Variants in CENPT observed in about 807,000 individuals in gnomAD.
The protein encoded by CENPT is centromere protein T, also known as interphase centromere complex protein 22.
CENPT carries 42 observed loss-of-function variants against 59.7 expected under a neutral mutation model. The ratio of observed to expected loss-of-function variants is 0.70; its 90% CI spans 0.55 to 0.91. The LOEUF is 0.91. Among genes scored for constraint, CENPT ranks in the 40% least tolerant of loss-of-function variants. The pLI is 0.00. For synonymous variants in CENPT, 295 were observed against 289.6 expected, an observed-to-expected ratio of 1.02 and a Z score of -0.19; for missense variants, 716 against 713.4, an observed-to-expected ratio of 1.00 and a Z score of -0.04.
At chr16:67,839,465 CAGA>C (rs1186594247) in intron 1 of CENPT, among the ~76,000 whole-genome samples, 1 of 151,456 alleles carries the variant, frequency 6.6e-6, no homozygotes, top group Non-Finnish European at 1.5e-5. Context: ...GAGGCTAAGG[CAGA>C]AGAATTGCTT....
chr16:67,831,352 G>C lies in CENPT; in HGVS notation c.567C>G (p.Leu189=), dbSNP rs1390019985. Reference sequence around the variant, plus strand: ...GAAGAGGTGTGGCAAAGGTCAGGTTGAGGGATCTGGTGAGGTGGGGAGGCA... The same window carrying C: ...GAAGAGGTGTGGCAAAGGTCAGGTTCAGGGATCTGGTGAGGTGGGGAGGCA... ...NADASSLTRS[L]NLTFATPLQP... The change falls in exon 10 of 16, where the codon CTC becomes CTG. Residue 189 remains leucine (L), a synonymous_variant. Coordinates refer to ENST00000562787, the MANE Select transcript of CENPT (RefSeq NM_025082.4). 1 of 1,613,492 alleles carries C rather than the reference G, an allele frequency of 6.2e-7. No individual in the cohort carries two copies. Among genetic ancestry groups the C allele is most frequent in the African/African-American group, 1.3e-5 (1 of 74,936 alleles).
At position 67,828,790 on chromosome 16, in the gene CENPT, C is replaced by G. The variant is rs375672651; in HGVS notation, c.1334G>C (p.Arg445Pro). 2 of 1,607,006 alleles carry G rather than the reference C, an allele frequency of 1.2e-6. No homozygotes were observed. Among genetic ancestry groups the G allele is most frequent in the Non-Finnish European group, 1.7e-6 (2 of 1,178,244 alleles). The change falls in exon 14 of 16, where the codon CGG becomes CCG. Residue 445 changes from arginine to proline, a missense_variant. Coordinates refer to ENST00000562787, the MANE Select transcript of CENPT (RefSeq NM_025082.4). Reference protein sequence around the residue: ...PLLVRHPPRPRTTGPRPRQDP... With the variant: ...PLLVRHPPRPPTTGPRPRQDP... ...TTGCCGGGGCCTGGGGCCGGTGGTC[C>G]GGGGCCTAGGGGGATGCCTGACCAA...
chr16:67,845,388 G>A (rs2151290584), intron 1 of CENPT, among the ~76,000 whole-genome samples: 1 of 152,302 alleles, frequency 6.6e-6, no homozygotes, highest in African/African-American at 2.4e-5. Flanking sequence ...TTGGGAAAGT[G>A]GTGGGGAAGG....
intron 1 of CENPT, chr16:67,846,680 C>A (rs1363322889): frequency 4.6e-5 from 7 of 152,446 alleles, no homozygotes; most frequent in African/African-American, 1.7e-4. Flanking sequence ...TGACCCTAGC[C>A]TGGCGCCAAC....
rs1476196985 is a variant in CENPT at position 67,842,903 on chromosome 16, C to G, written c.-492+4498G>C. The G allele has an allele frequency of 6.4e-7, 1 of 1,560,184 alleles. No individual in the cohort carries two copies. Among genetic ancestry groups the G allele is most frequent in the Admixed American group, 1.7e-5 (1 of 58,116 alleles). On this transcript the variant is annotated intron_variant, in intron 1 of 15. Coordinates refer to ENST00000562787, the MANE Select transcript of CENPT (RefSeq NM_025082.4). The surrounding 1 kb of genome is among the most constrained non-coding windows in gnomAD (Gnocchi z 4.9). Reference sequence around the variant, plus strand: ...GCAGCAGCAGCAGCAACAGCAGCAACAGCAGCAGCAGCAGCAACAGCAGCA... The same window carrying G: ...GCAGCAGCAGCAGCAACAGCAGCAAGAGCAGCAGCAGCAGCAACAGCAGCA...
At chr16:67,830,289 G>A in intron 11 of CENPT, 101 bp downstream of exon 11, 3 of 1,434,718 alleles carry the variant, frequency 2.1e-6, no homozygotes, top group Non-Finnish European at 2.9e-6. Flanking sequence ...CCACAGCCAG[G>A]GTGCTCTAGG....
At position 67,834,025 on chromosome 16, in the gene CENPT, AT is replaced by A. The variant is rs1399861968; in HGVS notation, c.-167del. On this transcript the variant is annotated 5_prime_UTR_variant, in exon 4 of 16. Coordinates refer to ENST00000562787, the MANE Select transcript of CENPT (RefSeq NM_025082.4). ...GGACAGTGATGGTTGCAAACTCCGG[AT>A]GCTTTGGAGGCAGCCTCGCTGCGGG... is the stretch of plus-strand genomic sequence containing the variant. The A allele has an allele frequency of 2.0e-6, 1 of 506,412 alleles. No homozygotes were observed. The highest frequency in any genetic ancestry group is 3.4e-6 in the Non-Finnish European group (1 of 293,086). 31.4% of individuals were successfully genotyped at this position (506,412 alleles called of 1,614,324 possible).
rs531042642 is a variant in CENPT at position 67,829,339 on chromosome 16, G to T, written c.1280+84C>A. The T allele has an allele frequency of 9.3e-5, 102 of 1,099,464 alleles. No homozygotes were observed. The African/African-American group carries it at 1.4e-3, about 15-fold the overall frequency. The allele number at this position is 1,099,464 out of a possible 1,614,324, so 68.1% of individuals were successfully genotyped here. A position where few individuals can be genotyped will look rare whatever the true frequency, so the allele number is the denominator to read the frequency against. On this transcript the variant is annotated intron_variant, in intron 13 of 15. Coordinates refer to ENST00000562787, the MANE Select transcript of CENPT (RefSeq NM_025082.4). ...CTGGGTAATCATCTGCATACCCGTA[G>T]GAAGGGGGAGGACCCTATGTACACA...
intron 4 of CENPT, 63 bp from the exon 5 acceptor site, chr16:67,832,608 A>G: frequency 6.9e-7 from 1 of 1,440,640 alleles, no homozygotes; most frequent in Non-Finnish European, 9.7e-7. Flanking sequence ...ATATAGAGAC[A>G]TGCCTTCATC....
In CENPT at chr16:67,831,740, G is replaced by A. The variant is rs759863422; in HGVS notation, c.523+14C>T. 6.3e-7 allele frequency: 1 copy of A among 1,581,686 alleles called. No individual in the cohort carries two copies. The highest frequency in any genetic ancestry group is 2.2e-5 in the East Asian group (1 of 44,700). On this transcript the variant is annotated intron_variant, in intron 8 of 15. Coordinates refer to ENST00000562787, the MANE Select transcript of CENPT (RefSeq NM_025082.4). Reference sequence around the variant, plus strand: ...GGAGGGAGAGGGTAGCAAAAGTGGTGTCCAGGGCCTCACCTTGGGAGAGAG... The same window carrying A: ...GGAGGGAGAGGGTAGCAAAAGTGGTATCCAGGGCCTCACCTTGGGAGAGAG...
Position 67,831,219 on chromosome 16 carries a change from G to A in CENPT, c.700C>T (p.Pro234Ser), listed in dbSNP as rs759152872. Residue 234 changes from proline to serine, a missense_variant, in exon 10 of 16, where the codon CCA becomes TCA. Transcript: ENST00000562787. ...RDLRDTSLAP[P>S]NIVLEDTQPF... ...GCAGGGGAAAACCCAACCTTACTTG[G>A]AGGAGCCAGGGAAGTATCTCGCAGA... 6.2e-7 allele frequency: 1 copy of A among 1,613,954 alleles called. No individual in the cohort carries two copies. Among genetic ancestry groups the A allele is most frequent in the South Asian group, 1.1e-5 (1 of 91,070 alleles).
rs369353260 is a variant in CENPT, at chr16:67,829,743, C to G, written c.1186+22G>C. On this transcript the variant is annotated intron_variant, in intron 12 of 15. Transcript: ENST00000562787. Reference sequence around the variant, plus strand: ...GCCTGAACACAGCTGTCACCAGTCACTCCCTGCACTGGGCCTCTTACCTGC... The same window carrying G: ...GCCTGAACACAGCTGTCACCAGTCAGTCCCTGCACTGGGCCTCTTACCTGC... 1.9e-6 allele frequency: 3 copies of G among 1,607,974 alleles called. No homozygotes were observed. The African/African-American group carries it at 4.0e-5, about 21-fold the overall frequency.
chr16:67,838,760 T>C (rs1455026707), intron 1 of CENPT, among the ~76,000 whole-genome samples: 1 of 151,506 alleles, frequency 6.6e-6, no homozygotes, highest in African/African-American at 2.4e-5. Flanking sequence ...ACCCTGTCTC[T>C]ATGAAAAATA....
In CENPT at chr16:67,842,850, C is replaced by A; in HGVS notation, c.-492+4551G>T. ...GCGCGCAGACCCGCTGGGGCCGCGG[C>A]CGCCCGCCGCAGGCAGCAGCAGCAA... On this transcript the variant is annotated intron_variant, in intron 1 of 15. Coordinates refer to ENST00000562787, the MANE Select transcript of CENPT (RefSeq NM_025082.4). The surrounding 1 kb of genome is among the most constrained non-coding windows in gnomAD (Gnocchi z 4.9). 6.2e-7 allele frequency: 1 copy of A among 1,607,234 alleles called. No homozygotes were observed. The highest frequency in any genetic ancestry group is 1.3e-5 in the African/African-American group (1 of 74,786).
rs542018475 is a variant in CENPT at position 67,831,838 on chromosome 16, G to A, written c.439C>T (p.Leu147=). The A allele has an allele frequency of 1.2e-6, 2 of 1,610,408 alleles. No homozygotes were observed. Among genetic ancestry groups the A allele is most frequent in the East Asian group, 2.2e-5 (1 of 44,852 alleles). Residue 147 remains leucine, a synonymous_variant, in exon 8 of 16, where the codon CTG becomes TTG. Transcript: ENST00000562787. ...TGTTTCCTCCTGCCAGGGGCCAGCA[G>A]ACCTGGAGCCAGGGTTGTGGGGGGC... is the stretch of plus-strand genomic sequence containing the variant. ...LEPPTTLAPG[L]LAPGRRKQRL... is the part of the protein sequence containing the mutation.
At position 67,832,284 on chromosome 16, in the gene CENPT, C is replaced by A. The variant is rs908806532; in HGVS notation, c.233G>T (p.Ser78Ile). 2 of 1,614,234 alleles carry A rather than the reference C, an allele frequency of 1.2e-6. No homozygotes were observed. The highest frequency in any genetic ancestry group is 1.6e-4 in the Middle Eastern group (1 of 6,062). Reference protein sequence around the residue: ...SVGRSAHIQASGHLEEQTPRT... With the variant: ...SVGRSAHIQAIGHLEEQTPRT... ...AGGTGTCTGTTCCTCCAAGTGCCCA[C>A]TGGCCTGAATATGGGCCGATCTGCC... Residue 78 changes from serine to isoleucine, a missense_variant, in exon 6 of 16, where the codon AGT becomes ATT. Transcript: ENST00000562787.
rs1335610567 is a variant in CENPT, at chr16:67,829,980, T to C, written c.971A>G (p.Glu324Gly). Residue 324 changes from glutamate (E) to glycine (G), a missense_variant, in exon 12 of 16, where the codon GAG (glutamate) becomes GGG (glycine). Transcript: ENST00000562787. ...SSGVSGEDEV[E>G]PLHDGVEEAE... ...CTCTTCAACTCCATCGTGTAAGGGCTCTACTTCATCTTCTCCAGAGACACC... is the reference window on the plus strand; with the variant it reads ...CTCTTCAACTCCATCGTGTAAGGGCCCTACTTCATCTTCTCCAGAGACACC... The C allele has an allele frequency of 2.5e-6, 4 of 1,614,124 alleles. No individual in the cohort carries two copies. The African/African-American group carries it at 4.0e-5, about 16-fold the overall frequency.
intron 4 of CENPT, 76 bp downstream of exon 4, chr16:67,833,674 C>T: frequency 1.1e-6 from 1 of 883,342 alleles, no homozygotes; most frequent in South Asian, 2.0e-5. Context: ...CGAACAGAGT[C>T]GACGCTGGGT....
At position 67,843,295 on chromosome 16, in the gene CENPT, C is replaced by A. The variant is rs770973731; in HGVS notation, c.-492+4106G>T. On this transcript the variant is annotated intron_variant, in intron 1 of 15. Transcript: ENST00000562787. This position sits in a 1 kb window ranked among gnomAD's most constrained non-coding sequence, Gnocchi z 5.7. ...ATACTGGCTCCGACCATTCGTACTCCTTGTCGTCAGGCACCACGGAGGAGG... is the reference window on the plus strand; with the variant it reads ...ATACTGGCTCCGACCATTCGTACTCATTGTCGTCAGGCACCACGGAGGAGG... 4.3e-6 allele frequency: 7 copies of A among 1,613,864 alleles called. No individual in the cohort carries two copies. Among genetic ancestry groups the A allele is most frequent in the Non-Finnish European group, 5.9e-6 (7 of 1,180,006 alleles).
Sources: gnomAD v4.1 joint callset for allele counts (sites outside exome capture counted in the v4.1 genomes callset) on GRCh38, gnomAD v4.1.1 for gene constraint, Gnocchi (gnomAD v3.1) non-coding constraint, MANE v1.5 for transcripts, NCBI Gene and HGNC (gene_info 2026-07-23, HGNC 2026-07-21) for gene names.